FBXO4: variants seen among roughly 807,000 people sequenced by gnomAD.
FBXO4 encodes the protein F-box only protein 4.
In FBXO4, 36 loss-of-function variants were observed where a neutral mutation model predicts 43.7. The ratio of observed to expected loss-of-function variants is 0.82; its 90% CI spans 0.63 to 1.09. FBXO4 has a LOEUF of 1.09. Among genes scored for constraint, FBXO4 ranks in the 50% least tolerant of loss-of-function variants. FBXO4 has a pLI of 0.00. For synonymous variants in FBXO4, 180 were observed against 165.6 expected, an observed-to-expected ratio of 1.09 and a Z score of -0.67; for missense variants, 435 against 474.1, an observed-to-expected ratio of 0.92 and a Z score of 0.77.
the FBXO4 span, among the ~76,000 whole-genome samples, chr5:41,996,852 A>T: frequency 6.6e-6 from 1 of 152,202 alleles, no homozygotes; most frequent in Non-Finnish European, 1.5e-5. Context: ...AATTTTAGTC[A>T]GATTTATTTC....
At chr5:42,013,825 T>C in the FBXO4 span, among the ~76,000 whole-genome samples, 753 of 152,302 alleles carry the variant, frequency 4.9e-3, 8 homozygotes, top group African/African-American at 0.017. Flanking sequence ...TGCTGTGGCT[T>C]CTGGCCAGTA....
the FBXO4 span, among the ~76,000 whole-genome samples, chr5:41,974,444 T>A: frequency 6.6e-6 from 1 of 152,224 alleles, no homozygotes; most frequent in Non-Finnish European, 1.5e-5. Flanking sequence ...GATGTTTTTT[T>A]CCCAGGTATG....
chr5:41,968,111 C>G, the FBXO4 span: 9 of 335,022 alleles, frequency 2.7e-5, no homozygotes, highest in Non-Finnish European at 5.6e-5. Flanking sequence ...AAGAACCCCA[C>G]TGCTTCATCC....
At chr5:42,007,192 G>A in the FBXO4 span, among the ~76,000 whole-genome samples, 1 of 144,222 alleles carries the variant, frequency 6.9e-6, no homozygotes, top group Non-Finnish European at 1.5e-5. Flanking sequence ...TGTTACTGAT[G>A]TCTTTATAAA....
the FBXO4 span, among the ~76,000 whole-genome samples, chr5:42,017,495 G>T: frequency 6.6e-6 from 1 of 150,686 alleles, no homozygotes; most frequent in South Asian, 2.1e-4. Context: ...TTGTTACTTG[G>T]GTATATTGCA....
chr5:41,993,206 T>C, the FBXO4 span, among the ~76,000 whole-genome samples: 1 of 152,182 alleles, frequency 6.6e-6, no homozygotes, highest in Non-Finnish European at 1.5e-5. Flanking sequence ...TATACAAAAC[T>C]CTTCTTCATG....
chr5:41,962,427 G>A, the FBXO4 span, among the ~76,000 whole-genome samples: 1 of 152,222 alleles, frequency 6.6e-6, no homozygotes, highest in African/African-American at 2.4e-5. Flanking sequence ...ATTTTGTTCA[G>A]GTTTTTGTGT....
the FBXO4 span, among the ~76,000 whole-genome samples, chr5:42,029,359 C>G: frequency 6.6e-6 from 1 of 151,982 alleles, no homozygotes; most frequent in Non-Finnish European, 1.5e-5. Flanking sequence ...TCTTTTGCTA[C>G]TTTAGGATCC....
the FBXO4 span, among the ~76,000 whole-genome samples, chr5:41,981,719 GT>G: frequency 6.9e-6 from 1 of 145,538 alleles, no homozygotes. Flanking sequence ...CTTTTTTTTG[GT>G]TTTTGGTTTT....
chr5:42,018,788 T>C, the FBXO4 span, among the ~76,000 whole-genome samples: 1 of 152,330 alleles, frequency 6.6e-6, no homozygotes, highest in African/African-American at 2.4e-5. Flanking sequence ...TTTGTACTGT[T>C]GATCGGTGGC....
the FBXO4 span, among the ~76,000 whole-genome samples, chr5:41,980,859 G>A: frequency 9.9e-4 from 149 of 151,250 alleles, no homozygotes; most frequent in African/African-American, 3.1e-3. Context: ...GGAAAATATA[G>A]ACAAGATTTA....
chr5:41,980,457 A>T, the FBXO4 span, among the ~76,000 whole-genome samples: 1 of 152,158 alleles, frequency 6.6e-6, no homozygotes, highest in African/African-American at 2.4e-5. Context: ...CATATAGCAC[A>T]CTATCACCAA....
chr5:41,990,139 C>T, the FBXO4 span, among the ~76,000 whole-genome samples: 44 of 152,226 alleles, frequency 2.9e-4, no homozygotes, highest in African/African-American at 9.4e-4. Flanking sequence ...GATAAGTTTC[C>T]GATTTCAATG....
the FBXO4 span, among the ~76,000 whole-genome samples, chr5:41,949,879 G>A: frequency 3.3e-5 from 5 of 152,146 alleles, no homozygotes; most frequent in Non-Finnish European, 5.9e-5. Flanking sequence ...ATAGACCAAT[G>A]GAACAGAACA....
chr5:41,958,418 C>T, the FBXO4 span, among the ~76,000 whole-genome samples: 1 of 152,166 alleles, frequency 6.6e-6, no homozygotes, highest in Non-Finnish European at 1.5e-5. Flanking sequence ...TAGGCGTGAG[C>T]AGCCCTGCCA....
At chr5:41,984,763 G>A in the FBXO4 span, among the ~76,000 whole-genome samples, 16 of 152,176 alleles carry the variant, frequency 1.1e-4, no homozygotes, top group African/African-American at 2.9e-4. Context: ...CGCCCACCTC[G>A]GCCTCCCAAA....
chr5:41,980,531 G>C, the FBXO4 span, among the ~76,000 whole-genome samples: 3 of 152,014 alleles, frequency 2.0e-5, no homozygotes, highest in Non-Finnish European at 4.4e-5. Flanking sequence ...ATAAATAAAA[G>C]CATACAGGCA....
chr5:41,956,012 A>T, the FBXO4 span, among the ~76,000 whole-genome samples: 1 of 152,220 alleles, frequency 6.6e-6, no homozygotes, highest in Non-Finnish European at 1.5e-5. Context: ...ATCAACGTTT[A>T]AGAATATTTA....
the FBXO4 span, among the ~76,000 whole-genome samples, chr5:42,007,422 G>A: frequency 2.0e-5 from 3 of 151,972 alleles, no homozygotes; most frequent in Non-Finnish European, 4.4e-5. Flanking sequence ...CTTCTAAGAC[G>A]TGTAAATTTG....
Sources: allele counts gnomAD v4.1 joint callset (sites outside exome capture counted in the v4.1 genomes callset), GRCh38; gene constraint gnomAD v4.1.1; transcripts MANE v1.5; gene names NCBI Gene and HGNC (gene_info 2026-07-23, HGNC 2026-07-21).